SGCZ: variants seen among roughly 807,000 people sequenced by gnomAD.
SGCZ encodes the protein sarcoglycan zeta.
A neutral mutation model predicts 41.3 loss-of-function variants in SGCZ; 40 were observed. The observed-to-expected ratio is 0.97, with a 90% confidence interval of 0.75 to 1.26. The LOEUF (loss-of-function observed/expected upper bound fraction) is 1.26, where lower values mean the gene tolerates loss of function less well. Among genes scored for constraint, SGCZ ranks in the 50% most tolerant of loss-of-function variants. The probability of loss-of-function intolerance (pLI) is 0.00; values close to 1 mark genes in which losing one functional copy is unlikely to be tolerated. For synonymous variants in SGCZ, 206 were observed against 137.5 expected (o/e 1.50, Z -3.49); for missense variants, 552 against 369.8 (o/e 1.49, Z -4.04).
intron 2 of SGCZ, among the ~76,000 whole-genome samples, chr8:14,404,383 G>T (rs772954180): frequency 4.0e-5 from 6 of 151,300 alleles, no homozygotes; most frequent in Admixed American, 6.6e-5. Context: ...CCTCTTTAAA[G>T]GAGACTGTAT....
At chr8:14,200,702 G>A (rs1805427160) in intron 4 of SGCZ, among the ~76,000 whole-genome samples, 2 of 152,120 alleles carry the variant, frequency 1.3e-5, no homozygotes, top group Admixed American at 1.3e-4. Context: ...AAGCCTCAGA[G>A]TAGAGCATAG....
chr8:14,551,611 TATATACATAAAATATATATATTA>T (rs1803866724), intron 2 of SGCZ, among the ~76,000 whole-genome samples: 1 of 47,004 alleles, frequency 2.1e-5, no homozygotes, highest in Non-Finnish European at 3.8e-5. Context: ...ATATATTATA[TATATACATAAAATATATATATTA>T]TATATATATA....
chr8:14,377,471 A>G (rs922406311), intron 2 of SGCZ, among the ~76,000 whole-genome samples: 15 of 152,060 alleles, frequency 9.9e-5, no homozygotes, highest in African/African-American at 3.6e-4. Context: ...GAACCCAAGA[A>G]GGGTATCCTG....
intron 1 of SGCZ, among the ~76,000 whole-genome samples, chr8:14,618,834 G>T (rs77254807): frequency 6.6e-6 from 1 of 152,054 alleles, no homozygotes; most frequent in Non-Finnish European, 1.5e-5. Context: ...AATTCCGATG[G>T]GGAGTAAGCA....
At chr8:14,831,895 T>C (rs1290952943) in intron 1 of SGCZ, among the ~76,000 whole-genome samples, 3 of 152,134 alleles carry the variant, frequency 2.0e-5, no homozygotes, top group Non-Finnish European at 4.4e-5. Context: ...TGTATATATA[T>C]GTTTGTGTAT....
chr8:15,001,947 T>G lies in SGCZ; in HGVS notation c.39+235638A>C, dbSNP rs1304791991. On this transcript the variant is annotated intron_variant, in intron 1 of 7. Coordinates refer to ENST00000382080, the MANE Select transcript of SGCZ (RefSeq NM_139167.4). ...AGTTTGATTCCTGATGATACCAGCT[T>G]TTGAGGGTTGAATAAAGAGCGAAGA... Among the ~76,000 whole-genome samples the G allele has an allele frequency of 3.9e-5, 6 of 152,110 alleles. No individual in the cohort carries two copies. In the East Asian group the frequency reaches 1.2e-3, roughly 29 times the overall value.
chr8:15,097,735 A>AAT (rs1554455105), intron 1 of SGCZ, among the ~76,000 whole-genome samples: 5,018 of 133,252 alleles, frequency 0.038, 354 homozygotes, highest in East Asian at 0.27. Context: ...TAAAAAAAAA[A>AAT]ATATATATAT....
intron 1 of SGCZ, among the ~76,000 whole-genome samples, chr8:14,876,569 G>A (rs1804363856): frequency 3.9e-5 from 6 of 152,152 alleles, no homozygotes; most frequent in Admixed American, 3.9e-4. Context: ...CTTTAAACGG[G>A]TAAATTTGAT....
At chr8:14,185,306 G>T (rs1405924298) in intron 4 of SGCZ, among the ~76,000 whole-genome samples, 1 of 152,076 alleles carries the variant, frequency 6.6e-6, no homozygotes, top group South Asian at 2.1e-4. Flanking sequence ...CGCAGGCTGA[G>T]GGAGAAGAAT....
intron 3 of SGCZ, among the ~76,000 whole-genome samples, chr8:14,260,395 A>G (rs1339552042): frequency 1.4e-5 from 2 of 145,522 alleles, no homozygotes; most frequent in Non-Finnish European, 3.1e-5. Context: ...AACCACAATG[A>G]GATACCATCT....
intron 3 of SGCZ, among the ~76,000 whole-genome samples, chr8:14,267,348 A>G (rs1027812451): frequency 3.9e-5 from 6 of 152,118 alleles, no homozygotes; most frequent in African/African-American, 9.6e-5. Context: ...GCATGGAAAC[A>G]TAAGTAGCGT....
Position 14,682,671 on chromosome 8 carries a change from T to A in SGCZ, c.40-127745A>T, listed in dbSNP as rs555942450. 7.2e-5 allele frequency among the ~76,000 whole-genome samples: 11 copies of A among 152,276 alleles called. No homozygotes were observed. The South Asian group carries it at 2.3e-3, about 32-fold the overall frequency. Reference sequence around the variant, plus strand: ...GGATGGTCTCGATCTCCTGACCTTGTGATCGGCCCGCCTCGGCCTCCCAAA... The same window carrying A: ...GGATGGTCTCGATCTCCTGACCTTGAGATCGGCCCGCCTCGGCCTCCCAAA... On this transcript the variant is annotated intron_variant, in intron 1 of 7. Transcript: ENST00000382080.
chr8:14,416,857 G>C (rs1358671263), intron 2 of SGCZ, among the ~76,000 whole-genome samples: 4 of 151,806 alleles, frequency 2.6e-5, no homozygotes, highest in Non-Finnish European at 5.9e-5. Context: ...AGAATAATGA[G>C]TATAAAAGTG....
chr8:14,511,361 C>T (rs901335635), intron 2 of SGCZ, among the ~76,000 whole-genome samples: 1 of 151,880 alleles, frequency 6.6e-6, no homozygotes, highest in South Asian at 2.1e-4. Flanking sequence ...TATATTTTCC[C>T]AATAGGCCCA....
chr8:15,021,564 C>T (rs919929366), intron 1 of SGCZ, among the ~76,000 whole-genome samples: 1 of 152,196 alleles, frequency 6.6e-6, no homozygotes, highest in Non-Finnish European at 1.5e-5. Context: ...GATCTCTCAA[C>T]CAATCTACTG....
chr8:14,206,212 T>C lies in SGCZ; in HGVS notation c.424+31380A>G, dbSNP rs1805610312. 2.0e-5 allele frequency among the ~76,000 whole-genome samples: 3 copies of C among 152,162 alleles called. No homozygotes were observed. The South Asian group carries it at 6.2e-4, about 32-fold the overall frequency. ...ATGATCTAAAAACAACTTTTACTCC[T>C]TTGCCATATACTATCATTACCTAGT... On this transcript the variant is annotated intron_variant, in intron 4 of 7. Coordinates refer to ENST00000382080, the MANE Select transcript of SGCZ (RefSeq NM_139167.4).
chr8:14,153,921 TCTCA>T (rs1354627692), intron 5 of SGCZ, among the ~76,000 whole-genome samples: 193 of 117,158 alleles, frequency 1.6e-3, no homozygotes, highest in Admixed American at 4.3e-3. Flanking sequence ...TCTCTCTCTC[TCTCA>T]CACACACACA....
At chr8:14,362,322 G>C (rs889518015) in intron 2 of SGCZ, among the ~76,000 whole-genome samples, 1 of 152,192 alleles carries the variant, frequency 6.6e-6, no homozygotes, top group African/African-American at 2.4e-5. Context: ...CTGAGCTGTA[G>C]GGGCTCTGCC....
chr8:14,322,593 T>A (rs914198986), intron 3 of SGCZ, among the ~76,000 whole-genome samples: 33 of 152,098 alleles, frequency 2.2e-4, no homozygotes, highest in African/African-American at 8.0e-4. Flanking sequence ...GGTAGAGGGT[T>A]TCACAATCAT....
Sources: allele counts gnomAD v4.1 joint callset (sites outside exome capture counted in the v4.1 genomes callset), GRCh38; gene constraint gnomAD v4.1.1; transcripts MANE v1.5; gene names NCBI Gene and HGNC (gene_info 2026-07-23, HGNC 2026-07-21).